GRIN2B: variants seen among roughly 807,000 people sequenced by gnomAD.
GRIN2B encodes the protein glutamate receptor ionotropic, NMDA 2B.
A neutral mutation model predicts 114.5 loss-of-function variants in GRIN2B; 5 were observed. That is an observed-to-expected ratio of 0.04 (90% confidence interval 0.02 to 0.09). The LOEUF is 0.09. Ranked by LOEUF, GRIN2B falls within the 10% of genes least tolerant of loss-of-function variation. The pLI, the probability that GRIN2B is intolerant of heterozygous loss-of-function variation, is 1.00. For missense variants in GRIN2B, 1,108 were observed against 1,943.5 expected (o/e 0.57, Z 8.08); for synonymous variants, 787 against 745.1 (o/e 1.06, Z -0.92).
At chr12:13,734,763 G>A (rs115516964) in intron 4 of GRIN2B, among the ~76,000 whole-genome samples, 107 of 152,308 alleles carry the variant, frequency 7.0e-4, no homozygotes, top group African/African-American at 2.4e-3. Flanking sequence ...AGAGAGGAAT[G>A]ACTAATTCTG....
At chr12:13,750,639 G>A (rs771028708) in intron 4 of GRIN2B, among the ~76,000 whole-genome samples, 5 of 152,192 alleles carry the variant, frequency 3.3e-5, no homozygotes, top group Admixed American at 6.5e-5. Flanking sequence ...AGCAGTGGGA[G>A]GAAAACCAAA....
intron 2 of GRIN2B, among the ~76,000 whole-genome samples, chr12:13,884,992 G>T (rs1866131592): frequency 6.6e-6 from 1 of 152,034 alleles, no homozygotes; most frequent in African/African-American, 2.4e-5. Flanking sequence ...TTGAGTGAAG[G>T]ATCACAGAAA....
chr12:13,795,933 G>T (rs964160329), intron 3 of GRIN2B, among the ~76,000 whole-genome samples: 1 of 152,058 alleles, frequency 6.6e-6, no homozygotes, highest in Admixed American at 6.5e-5. Context: ...GGCCTGTCGT[G>T]GGGTGAGGGG....
At chr12:13,841,387 C>T (rs1308618475) in intron 3 of GRIN2B, among the ~76,000 whole-genome samples, 1 of 152,114 alleles carries the variant, frequency 6.6e-6, no homozygotes, top group Non-Finnish European at 1.5e-5. Flanking sequence ...ATGAATATGT[C>T]ACACGGGACA....
chr12:13,695,571 T>C (rs1013045955), intron 4 of GRIN2B, among the ~76,000 whole-genome samples: 3 of 151,858 alleles, frequency 2.0e-5, no homozygotes, highest in Non-Finnish European at 4.4e-5. Flanking sequence ...GATGAAGGTA[T>C]AGCTGCAGGA....
intron 2 of GRIN2B, among the ~76,000 whole-genome samples, chr12:13,967,241 C>T (rs1367170104): frequency 1.3e-5 from 2 of 152,188 alleles, no homozygotes; most frequent in Non-Finnish European, 2.9e-5. Flanking sequence ...AACCACCTTT[C>T]GAATCCTGCT....
At chr12:13,786,958 GAA>G (rs199822848) in intron 3 of GRIN2B, among the ~76,000 whole-genome samples, 1 of 143,850 alleles carries the variant, frequency 7.0e-6, no homozygotes, top group African/African-American at 2.5e-5. Flanking sequence ...CTTCAAAGGA[GAA>G]AAAAAAAAAG....
intron 3 of GRIN2B, among the ~76,000 whole-genome samples, chr12:13,853,838 C>A (rs1452689453): frequency 6.6e-6 from 1 of 152,026 alleles, no homozygotes. Flanking sequence ...CATTTGCTGC[C>A]CCGAAATAAT....
At chr12:13,610,427 C>T (rs1469497274) in intron 9 of GRIN2B, among the ~76,000 whole-genome samples, 1 of 152,106 alleles carries the variant, frequency 6.6e-6, no homozygotes, top group Admixed American at 6.5e-5. Context: ...CTTGACATTG[C>T]CAACCTAAGT....
At chr12:13,592,660 C>A (rs1425098618) in intron 10 of GRIN2B, among the ~76,000 whole-genome samples, 1 of 152,090 alleles carries the variant, frequency 6.6e-6, no homozygotes, top group Non-Finnish European at 1.5e-5. Flanking sequence ...TCAGAGCTGG[C>A]CCCCATACTT....
intron 2 of GRIN2B, among the ~76,000 whole-genome samples, chr12:13,884,026 G>A (rs1866112065): frequency 6.6e-6 from 1 of 152,038 alleles, no homozygotes; most frequent in Admixed American, 6.5e-5. Context: ...GCATATGGAT[G>A]TACAATTGTT....
At position 13,964,590 on chromosome 12, in the gene GRIN2B, T is replaced by C. The variant is rs978255861; in HGVS notation, c.-19+15338A>G. On this transcript the variant is annotated intron_variant, in intron 2 of 13. Transcript: ENST00000609686. ...GCAAGGGCTCTTAACCTGCCATTCATAGATGGGCTTCAGGGATGCTAAGTC... is the reference window on the plus strand; with the variant it reads ...GCAAGGGCTCTTAACCTGCCATTCACAGATGGGCTTCAGGGATGCTAAGTC... Among the ~76,000 whole-genome samples, 6 of 152,220 alleles carry C rather than the reference T, an allele frequency of 3.9e-5. 1 individual carries two copies. Among genetic ancestry groups the C allele is most frequent in the Admixed American group, 2.6e-4 (4 of 15,286 alleles).
rs1384811904 is a variant in GRIN2B at position 13,541,893 on chromosome 12, T to C, written c.*20890A>G. The C allele has an allele frequency of 6.6e-6, 1 of 152,268 alleles. No homozygotes were observed. Among genetic ancestry groups the C allele is most frequent in the East Asian group, 1.9e-4 (1 of 5,200 alleles). The allele number at this position is 152,268 out of a possible 1,614,324, so 9.4% of individuals were successfully genotyped here. The stretch of plus-strand genomic sequence containing the variant: ...CCTCTGTGTCAGAAACAACGTGCAG[T>C]GTCTCTGGGGGCAGACTCTAGGTTG... On this transcript the variant is annotated 3_prime_UTR_variant, in exon 14 of 14. Transcript: ENST00000609686.
intron 4 of GRIN2B, among the ~76,000 whole-genome samples, chr12:13,711,216 CA>C (rs894651850): frequency 2.4e-4 from 37 of 151,476 alleles, no homozygotes; most frequent in Non-Finnish European, 4.7e-4. Context: ...ATACCTTATA[CA>C]AAAATTAATT....
intron 2 of GRIN2B, among the ~76,000 whole-genome samples, chr12:13,916,735 A>ACACACACAAATGTGTGTGTG (rs59238170): frequency 2.9e-5 from 3 of 101,904 alleles, no homozygotes; most frequent in South Asian, 3.0e-4. Context: ...ACACACACAC[A>ACACACACAAATGTGTGTGTG]TTTGTGTGTG....
intron 4 of GRIN2B, among the ~76,000 whole-genome samples, chr12:13,680,436 T>TGGTGTGTGTGTGTG (rs374526823): frequency 8.1e-6 from 1 of 123,480 alleles, no homozygotes; most frequent in Admixed American, 8.2e-5. Flanking sequence ...CCCATCAAGG[T>TGGTGTGTGTGTGTG]TGTGTGTGTG....
chr12:13,604,423 A>C (rs542711994), intron 10 of GRIN2B, among the ~76,000 whole-genome samples: 1 of 152,246 alleles, frequency 6.6e-6, no homozygotes, highest in Non-Finnish European at 1.5e-5. Flanking sequence ...AAAAGCTATA[A>C]ATCGAATGGC....
intron 2 of GRIN2B, among the ~76,000 whole-genome samples, chr12:13,917,461 A>G (rs1416603800): frequency 6.6e-6 from 1 of 152,188 alleles, no homozygotes; most frequent in East Asian, 1.9e-4. Flanking sequence ...GAGGCACTAA[A>G]TGACAGTTAA....
intron 10 of GRIN2B, among the ~76,000 whole-genome samples, chr12:13,603,929 G>A (rs1384925655): frequency 1.3e-5 from 2 of 151,980 alleles, no homozygotes; most frequent in Non-Finnish European, 1.5e-5. Context: ...TTTGTAAAAT[G>A]AGAATAATCA....
Sources: allele counts gnomAD v4.1 joint callset (sites outside exome capture counted in the v4.1 genomes callset), GRCh38; gene constraint gnomAD v4.1.1; transcripts MANE v1.5; gene names NCBI Gene and HGNC (gene_info 2026-07-23, HGNC 2026-07-21).